The following ZPLD1 variants were observed in gnomAD, a reference collection of about 807,000 sequenced individuals.
ZPLD1 encodes zona pellucida-like domain-containing protein 1.
ZPLD1 carries 34 observed loss-of-function variants against 47.2 expected under a neutral mutation model. The ratio of observed to expected loss-of-function variants is 0.72; its 90% CI spans 0.55 to 0.96. The LOEUF is 0.96. ZPLD1 is among the 40% of genes least tolerant of loss of function. The pLI is 0.00. For missense variants in ZPLD1, 512 were observed against 505.8 expected (o/e 1.01, Z -0.12); for synonymous variants, 176 against 186.2 (o/e 0.95, Z 0.45).
intron 7 of ZPLD1, among the ~76,000 whole-genome samples, chr3:102,415,187 T>C (rs1706791346): frequency 6.6e-6 from 1 of 151,908 alleles, no homozygotes; most frequent in South Asian, 2.1e-4. Flanking sequence ...ATAATAAGAG[T>C]ATCTCGACTA....
At position 102,469,140 on chromosome 3, in the gene ZPLD1, G is replaced by A; in HGVS notation, c.933+5G>A. 1 of 1,601,566 alleles carries A rather than the reference G, an allele frequency of 6.2e-7. No individual in the cohort carries two copies. Among genetic ancestry groups the A allele is most frequent in the Non-Finnish European group, 8.5e-7 (1 of 1,175,684 alleles). ...GACTGCCCCTTCCTTATGCCGGTAT[G>A]TTTTTAAGGAACTTCATTTTAAGTT... On this transcript the variant is annotated splice_donor_5th_base_variant and intron_variant, in intron 9 of 11. Coordinates refer to ENST00000466937, the MANE Select transcript of ZPLD1 (RefSeq NM_001329788.2).
At chr3:102,413,146 CAAAT>C (rs1022212686) in intron 7 of ZPLD1, among the ~76,000 whole-genome samples, 6 of 151,582 alleles carry the variant, frequency 4.0e-5, no homozygotes, top group Non-Finnish European at 8.9e-5. Flanking sequence ...TAGAAACAAA[CAAAT>C]AAATATTAAT....
intron 8 of ZPLD1, among the ~76,000 whole-genome samples, chr3:102,420,692 C>T (rs912424702): frequency 4.0e-5 from 6 of 150,748 alleles, no homozygotes; most frequent in Admixed American, 6.6e-5. Context: ...TTTGGCTTGC[C>T]GGCTGTAGTT....
intron 7 of ZPLD1, among the ~76,000 whole-genome samples, chr3:102,406,397 G>A (rs1706685434): frequency 6.6e-6 from 1 of 151,784 alleles, no homozygotes; most frequent in Admixed American, 6.6e-5. Flanking sequence ...TGTTTACCAG[G>A]ATTTCACCCT....
chr3:102,405,268 A>G (rs532680649), intron 7 of ZPLD1, among the ~76,000 whole-genome samples: 22 of 152,082 alleles, frequency 1.4e-4, no homozygotes, highest in African/African-American at 5.3e-4. Flanking sequence ...GAAGTTCCTT[A>G]CCTTTTCTTT....
intron 7 of ZPLD1, among the ~76,000 whole-genome samples, chr3:102,405,917 T>C (rs766093527): frequency 1.3e-5 from 2 of 152,020 alleles, no homozygotes; most frequent in Non-Finnish European, 2.9e-5. Context: ...TTGGGCTGTA[T>C]GCTTCCCGAG....
intron 7 of ZPLD1, among the ~76,000 whole-genome samples, chr3:102,398,906 G>A (rs1319461640): frequency 1.3e-5 from 2 of 151,680 alleles, no homozygotes; most frequent in African/African-American, 4.8e-5. Context: ...ACACACATAT[G>A]CACGCACACA....
At chr3:102,466,688 T>C (rs993304379) in intron 8 of ZPLD1, among the ~76,000 whole-genome samples, 2 of 151,950 alleles carry the variant, frequency 1.3e-5, no homozygotes, top group African/African-American at 4.8e-5. Flanking sequence ...GACATGTAAT[T>C]AGAAGGCATT....
intron 3 of ZPLD1, among the ~76,000 whole-genome samples, chr3:102,449,211 T>TACTTCAAG (rs1271097659): frequency 3.9e-4 from 59 of 152,340 alleles, no homozygotes; most frequent in Middle Eastern, 3.4e-3. Context: ...CTCCTACTGA[T>TACTTCAAG]ACTTCAAGAC....
chr3:102,392,829 A>C (rs72942845), intron 7 of ZPLD1, among the ~76,000 whole-genome samples: 2,483 of 152,302 alleles, frequency 0.016, 74 homozygotes, highest in African/African-American at 0.056. Context: ...AAACAGTTGC[A>C]CTTTTTATTG....
At chr3:102,416,724 C>T (rs1218354540) in intron 7 of ZPLD1, among the ~76,000 whole-genome samples, 1 of 151,880 alleles carries the variant, frequency 6.6e-6, no homozygotes, top group East Asian at 1.9e-4. Context: ...GCTTAACCCC[C>T]TCAAATACAA....
rs984816334 is a variant in ZPLD1 at position 102,429,129 on chromosome 3, A to G, written c.-8-9351A>G. ...ACATAATCCTATTTATAGTCTATGT[A>G]AGGGCTTAATAAATTAGGGAAGTTC... On this transcript the variant is annotated intron_variant, in intron 8 of 17. Transcript: ENST00000491959. Among the ~76,000 whole-genome samples the G allele has an allele frequency of 3.3e-4, 50 of 152,150 alleles. 1 individual carries two copies. The highest frequency in any genetic ancestry group is 5.9e-5 in the Non-Finnish European group (4 of 67,992).
In ZPLD1 at chr3:102,477,441, A is replaced by G. The variant is rs1315265486; in HGVS notation, c.1073-2A>G. On this transcript the variant is annotated splice_acceptor_variant, in intron 11 of 11. Coordinates refer to ENST00000466937, the MANE Select transcript of ZPLD1 (RefSeq NM_001329788.2). LOFTEE classifies it high-confidence loss of function. Reference sequence around the variant, plus strand: ...CAACCGGGTGTGTTTTATTATTTGCAGGTTCTCCAAGTATGCCTCCCTTCC... The same window carrying G: ...CAACCGGGTGTGTTTTATTATTTGCGGGTTCTCCAAGTATGCCTCCCTTCC... 1 of 1,609,918 alleles carries G rather than the reference A, an allele frequency of 6.2e-7. No individual in the cohort carries two copies. Among genetic ancestry groups the G allele is most frequent in the Non-Finnish European group, 8.5e-7 (1 of 1,178,472 alleles).
Position 102,452,930 on chromosome 3 carries a change from A to G in ZPLD1, c.118A>G (p.Ile40Val). ...LHSRFPAERDISVYCGVQAIT... is the reference protein window; with the variant it reads ...LHSRFPAERDVSVYCGVQAIT... The stretch of plus-strand genomic sequence containing the variant: ...TATTTTTATTTCAGCTGAAAGAGAC[A>G]TCAGTGTCTATTGTGGAGTGCAGGC... The change falls in exon 4 of 12, where the codon ATC becomes GTC. Residue 40 changes from isoleucine (I) to valine (V), a missense_variant. Transcript: ENST00000466937. 6.2e-7 allele frequency: 1 copy of G among 1,614,010 alleles called. No homozygotes were observed.
intron 6 of ZPLD1, among the ~76,000 whole-genome samples, chr3:102,389,821 C>T (rs954666654): frequency 1.3e-5 from 2 of 152,118 alleles, no homozygotes; most frequent in Non-Finnish European, 2.9e-5. Flanking sequence ...AGGCCATTAG[C>T]TAATGCAACA....
upstream of ZPLD1, among the ~76,000 whole-genome samples, chr3:102,432,301 T>C (rs968197572): frequency 2.7e-4 from 41 of 152,168 alleles, no homozygotes; most frequent in African/African-American, 9.7e-4. Context: ...GCTCAGTAAA[T>C]GCAGTGGAGA....
intron 3 of ZPLD1, among the ~76,000 whole-genome samples, chr3:102,446,935 A>T (rs530833798): frequency 6.6e-6 from 1 of 152,340 alleles, no homozygotes; most frequent in South Asian, 2.1e-4. Flanking sequence ...TACACAATAA[A>T]TGCTTTCCTG....
Position 102,413,341 on chromosome 3 carries a change from G to A in ZPLD1, c.-156-4719G>A, listed in dbSNP as rs1299893562. Reference sequence around the variant, plus strand: ...ATAGACACTTTCTCCAAATCAATTTGAAAAGTTAATTATTTGTGTTGGAAA... The same window carrying A: ...ATAGACACTTTCTCCAAATCAATTTAAAAAGTTAATTATTTGTGTTGGAAA... On this transcript the variant is annotated intron_variant, in intron 7 of 17. Transcript: ENST00000491959. 3.3e-5 allele frequency among the ~76,000 whole-genome samples: 5 copies of A among 151,730 alleles called. No homozygotes were observed. In the East Asian group the frequency reaches 9.7e-4, roughly 29 times the overall value.
intron 7 of ZPLD1, among the ~76,000 whole-genome samples, chr3:102,400,364 G>A (rs1706605771): frequency 6.6e-6 from 1 of 152,064 alleles, no homozygotes; most frequent in South Asian, 2.1e-4. Flanking sequence ...ACTAAAGGAT[G>A]AGTCGTAGGC....
Sources: allele counts gnomAD v4.1 joint callset (sites outside exome capture counted in the v4.1 genomes callset), GRCh38; gene constraint gnomAD v4.1.1; transcripts MANE v1.5; gene names NCBI Gene and HGNC (gene_info 2026-07-23, HGNC 2026-07-21).